Variants in CES4A observed in about 807,000 individuals in gnomAD.
CES4A encodes carboxylesterase 4A.
CES4A carries 48 observed loss-of-function variants against 65.4 expected under a neutral mutation model. The ratio of observed to expected loss-of-function variants is 0.73; its 90% CI spans 0.58 to 0.93. The LOEUF (loss-of-function observed/expected upper bound fraction) is 0.93. Among genes scored for constraint, CES4A ranks in the 40% least tolerant of loss-of-function variants. The pLI is 0.00. For synonymous variants in CES4A, 247 were observed against 281.8 expected (o/e 0.88, Z 1.24); for missense variants, 685 against 728.5 (o/e 0.94, Z 0.69).
In CES4A at chr16:67,005,235, C is replaced by A. The variant is rs772508807; in HGVS notation, c.1162-5C>A. 1 of 1,614,058 alleles carries A rather than the reference C, an allele frequency of 6.2e-7. No homozygotes were observed. Among genetic ancestry groups the A allele is most frequent in the East Asian group, 2.2e-5 (1 of 44,886 alleles). On this transcript the variant is annotated splice_polypyrimidine_tract_variant and splice_region_variant and intron_variant, in intron 10 of 13. Coordinates refer to ENST00000648724, the Ensembl canonical transcript of CES4A. ...GCCTCAGGTAAGTGTGGCCTCCTCACTCAGAATATCACCAAGGAGCAGGTA... is the reference window on the plus strand; with the variant it reads ...GCCTCAGGTAAGTGTGGCCTCCTCAATCAGAATATCACCAAGGAGCAGGTA...
chr16:67,006,155 G>A, intron 11 of CES4A: 1 of 516,144 alleles, frequency 1.9e-6, no homozygotes, highest in Non-Finnish European at 3.5e-6. Flanking sequence ...TGTGAATTAG[G>A]TTTTAGTATT....
chr16:67,007,896 T>C (rs1413649272), intron 13 of CES4A: 1 of 152,076 alleles, frequency 6.6e-6, no homozygotes, highest in Non-Finnish European at 1.5e-5. Flanking sequence ...GCCATTCTCC[T>C]GCCTCAGCCT....
rs745771478 is a variant in CES4A, at chr16:67,006,751, C to T, written c.1451C>T (p.Ser484Phe). 5.6e-6 allele frequency: 9 copies of T among 1,614,022 alleles called. No individual in the cohort carries two copies. The Admixed American group carries it at 1.3e-4, about 24-fold the overall frequency. Residue 484 changes from serine (S) to phenylalanine (F), a missense_variant, in exon 13 of 14, where the codon TCC becomes TTC. By Grantham distance (155) the Ser-to-Phe change is radical. Transcript: ENST00000648724. The stretch of plus-strand genomic sequence containing the variant: ...CATCCCATTCTGCCCCCAGGCCTTT[C>T]CATGGGTAAGGAGAAGGCACTTAGC...
exon 10 of CES4A, chr16:67,004,857 G>T (rs563163767): frequency 6.5e-7 from 1 of 1,535,930 alleles, no homozygotes; most frequent in African/African-American, 1.4e-5. Flanking sequence ...ATGCTCTGGA[G>T]TACCCGCACC....
rs1466667862 is a variant in CES4A at position 67,000,032 on chromosome 16, G to T, written c.261-606G>T. Among the ~76,000 whole-genome samples, 1 of 152,206 alleles carries T rather than the reference G, an allele frequency of 6.6e-6. No homozygotes were observed. The highest frequency in any genetic ancestry group is 2.4e-5 in the African/African-American group (1 of 41,444). Reference sequence around the variant, plus strand: ...TGACTGGATGGAAAGGAGGGCCTGGGTACTCCGCGTATCTTAACTTTATCC... The same window carrying T: ...TGACTGGATGGAAAGGAGGGCCTGGTTACTCCGCGTATCTTAACTTTATCC... On this transcript the variant is annotated intron_variant, in intron 2 of 13. Coordinates refer to ENST00000648724, the Ensembl canonical transcript of CES4A. The surrounding 1 kb of genome is among the most constrained non-coding windows in gnomAD (Gnocchi z 4.2).
chr16:67,003,122 G>A lies in CES4A; in HGVS notation c.743G>A (p.Gly248Asp). ...TTCCATCGGGCCATTTCCCAGAGTG[G>A]CACCGCGTTATTCAGACTTTTCATC... is the stretch of plus-strand genomic sequence containing the variant. The change falls in exon 6 of 14, where the codon GGC (glycine) becomes GAC (aspartate). Residue 248 changes from glycine (G) to aspartate (D), a missense_variant. By Grantham distance (94) the Gly-to-Asp change is moderately conservative. Transcript: ENST00000648724. This position sits in a 1 kb window ranked among gnomAD's most constrained non-coding sequence, Gnocchi z 4.2. 6.2e-7 allele frequency: 1 copy of A among 1,614,132 alleles called. No individual in the cohort carries two copies. Among genetic ancestry groups the A allele is most frequent in the Non-Finnish European group, 8.5e-7 (1 of 1,180,006 alleles).
In CES4A at chr16:67,000,724, G is replaced by T. The variant is rs1238986394; in HGVS notation, c.347G>T (p.Cys116Phe). 4 of 1,550,288 alleles carry T rather than the reference G, an allele frequency of 2.6e-6. No individual in the cohort carries two copies. In the South Asian group the frequency reaches 4.8e-5, roughly 18 times the overall value. Residue 116 changes from cysteine (C) to phenylalanine (F), a missense_variant, in exon 3 of 14, where the codon TGT (cysteine) becomes TTT (phenylalanine). Transcript: ENST00000648724. This position sits in a 1 kb window ranked among gnomAD's most constrained non-coding sequence, Gnocchi z 4.2. ...AAGTGGCTGCGCTTCAGCGAGGACT[G>T]TCTGTACCTGAACGTGTACGCGCCG...
At chr16:67,008,796 G>A in intron 13 of CES4A, 178 bp from the exon 14 acceptor site, 3 of 643,304 alleles carry the variant, frequency 4.7e-6, no homozygotes, top group Admixed American at 2.8e-5. Flanking sequence ...TGTTTGCTCT[G>A]CCTGGAAGGC....
Position 67,003,365 on chromosome 16 carries a change from G to A in CES4A, c.900+5G>A, listed in dbSNP as rs761178497. ...ATGCGTGTGTCCAACAAGATGGTAG[G>A]TAGAACATTCCAGCTGCCTGACCTG... On this transcript the variant is annotated splice_donor_5th_base_variant and intron_variant, in intron 7 of 13. Transcript: ENST00000648724. The surrounding 1 kb of genome is among the most constrained non-coding windows in gnomAD (Gnocchi z 4.2). The A allele has an allele frequency of 1.2e-6, 2 of 1,613,246 alleles. No individual in the cohort carries two copies. The highest frequency in any genetic ancestry group is 1.7e-6 in the Non-Finnish European group (2 of 1,179,358).
At position 67,003,656 on chromosome 16, in the gene CES4A, A is replaced by G; in HGVS notation, c.939+103A>G. The G allele has an allele frequency of 1.1e-6, 1 of 911,762 alleles. No homozygotes were observed. Among genetic ancestry groups the G allele is most frequent in the South Asian group, 1.3e-5 (1 of 76,022 alleles). The allele number at this position is 911,762 out of a possible 1,614,324, so 56.5% of individuals were successfully genotyped here. A position where few individuals can be genotyped will look rare whatever the true frequency, so the allele number is the denominator to read the frequency against. On this transcript the variant is annotated intron_variant, in intron 8 of 13. Transcript: ENST00000648724. The surrounding 1 kb of genome is among the most constrained non-coding windows in gnomAD (Gnocchi z 4.2). ...TTGTTCAGGCCAAGATCCCTTCCCT[A>G]GTGGAGCTGATGTTCCAGTGGGGAA...
At chr16:67,005,012 G>A (rs1965642750) in intron 10 of CES4A, 139 bp downstream of exon 10, 1 of 787,682 alleles carries the variant, frequency 1.3e-6, no homozygotes, top group Admixed American at 2.4e-5. Flanking sequence ...GTTTGCTGTG[G>A]GATCAGATGA....
At chr16:67,007,225 G>A (rs910853695) in intron 13 of CES4A, 13 of 169,674 alleles carry the variant, frequency 7.7e-5, no homozygotes, top group African/African-American at 3.1e-4. Flanking sequence ...AGAGCATAGA[G>A]GAGGTGTCTG....
chr16:67,001,500 G>A lies in CES4A; in HGVS notation c.690+39G>A, dbSNP rs553311169. 6.5e-7 allele frequency: 1 copy of A among 1,549,796 alleles called. No homozygotes were observed. Among genetic ancestry groups the A allele is most frequent in the Middle Eastern group, 1.7e-4 (1 of 5,736 alleles). ...CCAGACGGACCGAGCACAGACTTAG[G>A]CTCCTGCGTTCCCACAAATGTATGC... On this transcript the variant is annotated intron_variant, in intron 5 of 13. Coordinates refer to ENST00000648724, the Ensembl canonical transcript of CES4A. This position sits in a 1 kb window ranked among gnomAD's most constrained non-coding sequence, Gnocchi z 4.1.
exon 12 of CES4A, chr16:67,006,447 G>A (rs1038431195): frequency 2.0e-5 from 31 of 1,536,434 alleles, no homozygotes; most frequent in South Asian, 7.1e-5. Flanking sequence ...TGGAATAATC[G>A]TCAAACCCCG....
Position 67,000,411 on chromosome 16 carries a change from T to C in CES4A, c.261-227T>C. Reference sequence around the variant, plus strand: ...CAGGAGCAGGAATCTCTCCACGGACTGAGGCGCCGGGCAGGGAGGGGATGG... The same window carrying C: ...CAGGAGCAGGAATCTCTCCACGGACCGAGGCGCCGGGCAGGGAGGGGATGG... On this transcript the variant is annotated intron_variant, in intron 2 of 13. Transcript: ENST00000648724. This position sits in a 1 kb window ranked among gnomAD's most constrained non-coding sequence, Gnocchi z 4.2. 1.5e-6 allele frequency: 2 copies of C among 1,342,918 alleles called. No individual in the cohort carries two copies. The highest frequency in any genetic ancestry group is 1.9e-6 in the Non-Finnish European group (2 of 1,033,290). The allele number at this position is 1,342,918 out of a possible 1,614,324, so 83.2% of individuals were successfully genotyped here. A position where few individuals can be genotyped will look rare whatever the true frequency, so the allele number is the denominator to read the frequency against.
chr16:67,003,663 C>CA lies in CES4A; in HGVS notation c.939+110_939+111insA. The CA allele has an allele frequency of 1.1e-6, 1 of 872,562 alleles. No homozygotes were observed. The highest frequency in any genetic ancestry group is 2.0e-6 in the Non-Finnish European group (1 of 510,642). 54.1% of individuals were successfully genotyped at this position (872,562 alleles called of 1,614,324 possible). A position where few individuals can be genotyped will look rare whatever the true frequency, so the allele number is the denominator to read the frequency against. On this transcript the variant is annotated intron_variant, in intron 8 of 13. Coordinates refer to ENST00000648724, the Ensembl canonical transcript of CES4A. This position sits in a 1 kb window ranked among gnomAD's most constrained non-coding sequence, Gnocchi z 4.2. ...GGCCAAGATCCCTTCCCTAGTGGAG[C>CA]TGATGTTCCAGTGGGGAAGGAGAAT... is the stretch of plus-strand genomic sequence containing the variant.
At chr16:66,988,890 C>A in intron 1 of CES4A, 60 bp downstream of exon 1, 1 of 1,516,222 alleles carries the variant, frequency 6.6e-7, no homozygotes, top group Non-Finnish European at 8.9e-7. Flanking sequence ...GATGGAGGGA[C>A]AGGCCCCAGT....
rs764052395 is a variant in CES4A, at chr16:67,003,555, T to C, written c.939+2T>C. ...AACTTCCAGAGAGACCCGGAAGAGGTAAACAGGCCACATTCTGCAATTTGA... is the reference window on the plus strand; with the variant it reads ...AACTTCCAGAGAGACCCGGAAGAGGCAAACAGGCCACATTCTGCAATTTGA... On this transcript the variant is annotated splice_donor_variant, in intron 8 of 13. Transcript: ENST00000648724. LOFTEE classifies it high-confidence loss of function. The surrounding 1 kb of genome is among the most constrained non-coding windows in gnomAD (Gnocchi z 4.2). 15 of 1,610,808 alleles carry C rather than the reference T, an allele frequency of 9.3e-6. No individual in the cohort carries two copies. The Admixed American group carries it at 2.5e-4, about 27-fold the overall frequency.
In CES4A at chr16:67,001,344, G is replaced by A; in HGVS notation, c.573G>A (p.Leu191=). Residue 191 remains leucine, a synonymous_variant, in exon 5 of 14, where the codon CTG becomes CTA. Transcript: ENST00000648724. The surrounding 1 kb of genome is among the most constrained non-coding windows in gnomAD (Gnocchi z 4.1). ...GCCACGCGCGCGGGAACTGGGGGCTGCTGGACCAGATGGCGGCTCTGCGCT... is the reference window on the plus strand; with the variant it reads ...GCCACGCGCGCGGGAACTGGGGGCTACTGGACCAGATGGCGGCTCTGCGCT... 6.2e-7 allele frequency: 1 copy of A among 1,612,986 alleles called. No individual in the cohort carries two copies. Among genetic ancestry groups the A allele is most frequent in the Non-Finnish European group, 8.5e-7 (1 of 1,179,556 alleles).
Sources: allele counts gnomAD v4.1 joint callset (sites outside exome capture counted in the v4.1 genomes callset), GRCh38; gene constraint gnomAD v4.1.1; non-coding constraint Gnocchi (gnomAD v3.1); transcripts MANE v1.5; gene names NCBI Gene and HGNC (gene_info 2026-07-23, HGNC 2026-07-21).